The following SORBS2 variants were observed in gnomAD, a reference collection of about 807,000 sequenced individuals.
The protein encoded by SORBS2 is sorbin and SH3 domain-containing protein 2.
Under a neutral mutation model 97.7 loss-of-function variants are expected in SORBS2, and 46 were observed. That is an observed-to-expected ratio of 0.47 (90% confidence interval 0.37 to 0.60). SORBS2 has a LOEUF of 0.60. Among genes scored for constraint, SORBS2 ranks in the 20% least tolerant of loss-of-function variants. The pLI is 0.00. For synonymous variants in SORBS2, 476 were observed against 473.4 expected, an observed-to-expected ratio of 1.01 and a Z score of -0.07; for missense variants, 1,316 against 1,282.3, an observed-to-expected ratio of 1.03 and a Z score of -0.40.
intron 2 of SORBS2, among the ~76,000 whole-genome samples, chr4:185,756,506 A>C (rs573457538): frequency 2.8e-4 from 42 of 152,210 alleles, no homozygotes; most frequent in African/African-American, 9.4e-4. Context: ...CCACCTAAAA[A>C]CTCAAGTACT....
chr4:185,906,012 G>C (rs1165923999), intron 1 of SORBS2, among the ~76,000 whole-genome samples: 1 of 152,120 alleles, frequency 6.6e-6, no homozygotes, highest in Non-Finnish European at 1.5e-5. Flanking sequence ...TGCTCAACTG[G>C]GGCAGGTCAC....
intron 2 of SORBS2, among the ~76,000 whole-genome samples, chr4:185,698,184 T>A (rs2153528222): frequency 6.6e-6 from 1 of 152,252 alleles, no homozygotes; most frequent in African/African-American, 2.4e-5. Context: ...TCATTTGAAA[T>A]CAAGATCTTG....
intron 1 of SORBS2, among the ~76,000 whole-genome samples, chr4:185,929,041 G>C (rs1208799834): frequency 6.6e-6 from 1 of 152,092 alleles, no homozygotes; most frequent in African/African-American, 2.4e-5. Context: ...TGCAACTCCT[G>C]GTTTATCACA....
intron 12 of SORBS2, among the ~76,000 whole-genome samples, chr4:185,597,282 CG>C (rs1424973680): frequency 1.3e-5 from 2 of 152,142 alleles, no homozygotes; most frequent in Non-Finnish European, 2.9e-5. Flanking sequence ...GAGGGTTAAT[CG>C]GGTCCCCTCA....
chr4:185,639,464 G>C (rs763387474), intron 4 of SORBS2, among the ~76,000 whole-genome samples: 1 of 152,168 alleles, frequency 6.6e-6, no homozygotes, highest in African/African-American at 2.4e-5. Context: ...TAAACAGTTG[G>C]AGAAAATACA....
chr4:185,850,687 T>C, intron 1 of SORBS2, among the ~76,000 whole-genome samples: 1 of 152,182 alleles, frequency 6.6e-6, no homozygotes. Flanking sequence ...CGGGTTGAAA[T>C]ATGCTTAAGA....
chr4:185,928,506 C>T (rs1480107460), intron 1 of SORBS2, among the ~76,000 whole-genome samples: 1 of 152,176 alleles, frequency 6.6e-6, no homozygotes, highest in South Asian at 2.1e-4. Context: ...GAGTCAGGCA[C>T]GTGGGGCCCC....
intron 4 of SORBS2, chr4:185,666,144 T>G (rs2097593849): frequency 2.3e-6 from 3 of 1,289,802 alleles, no homozygotes; most frequent in Non-Finnish European, 3.0e-6. Context: ...CTGGTGTGGT[T>G]TGTCTGTGTG....
At chr4:185,918,293 A>G (rs1257537310) in intron 1 of SORBS2, 2 of 152,214 alleles carry the variant, frequency 1.3e-5, no homozygotes, top group Non-Finnish European at 2.9e-5. Flanking sequence ...AATACAACTA[A>G]CTTTTTTTTG....
At chr4:185,682,836 C>A (rs2097891674) in intron 2 of SORBS2, among the ~76,000 whole-genome samples, 2 of 151,506 alleles carry the variant, frequency 1.3e-5, no homozygotes, top group Admixed American at 1.3e-4. Flanking sequence ...CATGGTGAAA[C>A]CAGGTCTCTA....
At chr4:185,667,385 T>C (rs1049320701) in intron 4 of SORBS2, among the ~76,000 whole-genome samples, 1 of 152,166 alleles carries the variant, frequency 6.6e-6, no homozygotes, top group Non-Finnish European at 1.5e-5. Flanking sequence ...AAGGTTGCAA[T>C]AATTTTTTTC....
At chr4:185,820,908 T>C (rs887065488) in intron 1 of SORBS2, among the ~76,000 whole-genome samples, 2 of 152,150 alleles carry the variant, frequency 1.3e-5, no homozygotes, top group African/African-American at 2.4e-5. Context: ...AATGAACAAA[T>C]GAACGGATGA....
chr4:185,832,427 A>G (rs1278313510), intron 1 of SORBS2, among the ~76,000 whole-genome samples: 1 of 152,194 alleles, frequency 6.6e-6, no homozygotes, highest in African/African-American at 2.4e-5. Flanking sequence ...ACTTCTATCT[A>G]TCTTGGCTGG....
intron 2 of SORBS2, chr4:185,740,092 CAAACCAG>C (rs1225822311): frequency 6.6e-6 from 1 of 152,648 alleles, no homozygotes; most frequent in Non-Finnish European, 1.5e-5. Context: ...GCGATGCCCT[CAAACCAG>C]AAATAATACC....
intron 1 of SORBS2, among the ~76,000 whole-genome samples, chr4:185,938,662 C>T (rs144597884): frequency 6.6e-5 from 10 of 152,204 alleles, no homozygotes; most frequent in Admixed American, 1.3e-4. Flanking sequence ...ACTCTGGTTA[C>T]GTTCCACCTC....
intron 1 of SORBS2, among the ~76,000 whole-genome samples, chr4:185,916,114 G>A (rs2099258015): frequency 6.6e-6 from 1 of 152,136 alleles, no homozygotes; most frequent in Admixed American, 6.5e-5. Context: ...GTTTCCAACT[G>A]GAGGAAATTA....
In SORBS2 at chr4:185,623,412, T is replaced by C. The variant is rs756478741; in HGVS notation, c.1717A>G (p.Thr573Ala). 5 of 1,611,564 alleles carry C rather than the reference T, an allele frequency of 3.1e-6. No individual in the cohort carries two copies. The highest frequency in any genetic ancestry group is 1.7e-5 in the Admixed American group (1 of 60,020). The change falls in exon 7 of 15, where the codon ACC becomes GCC. Residue 573 changes from threonine to alanine, a missense_variant. By Grantham distance (58) the Thr-to-Ala change is moderately conservative. Transcript: ENST00000418609. The surrounding 1 kb of genome is among the most constrained non-coding windows in gnomAD (Gnocchi z 6.4). ...GCTCTTTCGTGTTTTAACATTGTGGTAAATCGAGTGTAGGAGGCCGGGCAC... is the reference window on the plus strand; with the variant it reads ...GCTCTTTCGTGTTTTAACATTGTGGCAAATCGAGTGTAGGAGGCCGGGCAC...
At chr4:185,822,644 C>G (rs1168837575) in intron 1 of SORBS2, among the ~76,000 whole-genome samples, 1 of 152,210 alleles carries the variant, frequency 6.6e-6, no homozygotes, top group Non-Finnish European at 1.5e-5. Flanking sequence ...TGTGGCACAG[C>G]CACGCCATGG....
intron 2 of SORBS2, among the ~76,000 whole-genome samples, chr4:185,767,317 G>A (rs1194773025): frequency 2.1e-5 from 3 of 143,080 alleles, no homozygotes; most frequent in African/African-American, 5.1e-5. Flanking sequence ...GCTAACACAC[G>A]GTGAAACCCC....
Sources: allele counts gnomAD v4.1 joint callset (sites outside exome capture counted in the v4.1 genomes callset), GRCh38; gene constraint gnomAD v4.1.1; non-coding constraint Gnocchi (gnomAD v3.1); transcripts MANE v1.5; gene names NCBI Gene and HGNC (gene_info 2026-07-23, HGNC 2026-07-21).